EYS: variants seen among roughly 807,000 people sequenced by gnomAD.
The protein encoded by EYS is protein eyes shut homolog.
A neutral mutation model predicts 282.1 loss-of-function variants in EYS; 250 were observed. The ratio of observed to expected loss-of-function variants is 0.89; its 90% CI spans 0.80 to 0.98. The LOEUF (loss-of-function observed/expected upper bound fraction) is 0.98. Among genes scored for constraint, EYS ranks in the 50% least tolerant of loss-of-function variants. EYS has a pLI of 0.00. For missense variants in EYS, 4,016 were observed against 3,709.0 expected, an observed-to-expected ratio of 1.08 and a Z score of -2.15; for synonymous variants, 1,355 against 1,282.9, an observed-to-expected ratio of 1.06 and a Z score of -1.20.
intron 31 of EYS, among the ~76,000 whole-genome samples, chr6:64,092,461 G>C (rs1183632400): frequency 6.6e-6 from 1 of 151,346 alleles, no homozygotes; most frequent in African/African-American, 2.4e-5. Flanking sequence ...GTGTGAGATG[G>C]TATCTCATTG....
At chr6:65,588,535 A>C (rs1765129925) in intron 2 of EYS, among the ~76,000 whole-genome samples, 1 of 150,970 alleles carries the variant, frequency 6.6e-6, no homozygotes, top group African/African-American at 2.4e-5. Context: ...AACTATTTCT[A>C]AACCTTCCCC....
rs145241598 is a variant in EYS, at chr6:64,945,745, G to A, written c.2381+48C>T. The A allele has an allele frequency of 5.9e-5, 90 of 1,520,346 alleles. No homozygotes were observed. The African/African-American group carries it at 1.1e-3, about 19-fold the overall frequency. 94.2% of individuals were successfully genotyped at this position (1,520,346 alleles called of 1,614,324 possible). A position where few individuals can be genotyped will look rare whatever the true frequency, so the allele number is the denominator to read the frequency against. On this transcript the variant is annotated intron_variant, in intron 15 of 42. Transcript: ENST00000503581. Reference sequence around the variant, plus strand: ...TGTCTGGATGTATCCCAAGGACACTGAGCACTCCAAGTAATTTCATGAAGA... The same window carrying A: ...TGTCTGGATGTATCCCAAGGACACTAAGCACTCCAAGTAATTTCATGAAGA...
At chr6:64,822,557 A>T in intron 20 of EYS, 94 bp downstream of exon 20, 1 of 1,082,278 alleles carries the variant, frequency 9.2e-7, no homozygotes, top group Non-Finnish European at 1.3e-6. Context: ...GAGCATAATT[A>T]AAATTATCTT....
chr6:65,642,086 C>T lies in EYS; in HGVS notation c.-447-2194G>A, dbSNP rs9453355. Among the ~76,000 whole-genome samples, 80 of 152,056 alleles carry T rather than the reference C, an allele frequency of 5.3e-4. 1 individual carries two copies. The highest frequency in any genetic ancestry group is 1.8e-3 in the African/African-American group (75 of 41,434). On this transcript the variant is annotated intron_variant, in intron 1 of 42. Coordinates refer to ENST00000503581, the MANE Select transcript of EYS (RefSeq NM_001142800.2). ...TTATCCATAACTGAATATATAGGGC[C>T]TCGAGGAGTTCTGAGTATCTGAGAG...
chr6:63,916,697 T>A (rs542537284), intron 35 of EYS, among the ~76,000 whole-genome samples: 14 of 152,370 alleles, frequency 9.2e-5, no homozygotes, highest in Non-Finnish European at 1.6e-4. Context: ...CTTGATGGCA[T>A]CCTTGAAACA....
intron 33 of EYS, among the ~76,000 whole-genome samples, chr6:64,023,444 T>C (rs1003050349): frequency 6.6e-6 from 1 of 152,274 alleles, no homozygotes; most frequent in Non-Finnish European, 1.5e-5. Context: ...ATTTGTAGTG[T>C]ACCATTTTAC....
chr6:64,358,700 T>A (rs1227164225), intron 29 of EYS, among the ~76,000 whole-genome samples: 1 of 151,650 alleles, frequency 6.6e-6, no homozygotes, highest in African/African-American at 2.4e-5. Context: ...ATAGGAATAA[T>A]CTGGGGTCAT....
At chr6:64,282,802 G>A (rs1768355337) in intron 30 of EYS, among the ~76,000 whole-genome samples, 1 of 152,136 alleles carries the variant, frequency 6.6e-6, no homozygotes, top group Non-Finnish European at 1.5e-5. Flanking sequence ...TCAATCCTCT[G>A]AAAGTCTATT....
At chr6:63,886,043 C>A (rs982074455) in intron 35 of EYS, among the ~76,000 whole-genome samples, 10 of 152,162 alleles carry the variant, frequency 6.6e-5, no homozygotes, top group Admixed American at 6.5e-4. Flanking sequence ...TATATAGGAA[C>A]TTGAATGTTG....
intron 12 of EYS, among the ~76,000 whole-genome samples, chr6:65,218,094 T>G (rs1766362615): frequency 6.6e-6 from 1 of 152,066 alleles, no homozygotes; most frequent in African/African-American, 2.4e-5. Flanking sequence ...GGGCTATGTG[T>G]GTGGTAGTTG....
intron 33 of EYS, among the ~76,000 whole-genome samples, chr6:64,017,853 G>C (rs913627488): frequency 8.5e-5 from 13 of 152,072 alleles, no homozygotes; most frequent in African/African-American, 2.9e-4. Flanking sequence ...TAAACCTCTG[G>C]GCAATTTACT....
intron 26 of EYS, among the ~76,000 whole-genome samples, chr6:64,481,678 G>A (rs189388324): frequency 1.4e-5 from 2 of 142,240 alleles, no homozygotes; most frequent in Non-Finnish European, 1.6e-5. Flanking sequence ...AAGAGAAAAC[G>A]GCCTGAGAGG....
chr6:63,915,704 G>A (rs899143126), intron 35 of EYS, among the ~76,000 whole-genome samples: 5 of 152,198 alleles, frequency 3.3e-5, no homozygotes, highest in African/African-American at 1.2e-4. Context: ...ATTAACAGGA[G>A]TATGGAAGAA....
chr6:63,968,289 G>T (rs1009371399), intron 35 of EYS, among the ~76,000 whole-genome samples: 15 of 152,080 alleles, frequency 9.9e-5, no homozygotes, highest in South Asian at 8.3e-4. Context: ...ATAAAGGTTG[G>T]TAGCTTACAT....
At chr6:65,338,620 A>G (rs73741297) in intron 10 of EYS, among the ~76,000 whole-genome samples, 4,047 of 151,112 alleles carry the variant, frequency 0.027, 159 homozygotes, top group African/African-American at 0.089. Flanking sequence ...AAAAACCTCA[A>G]TATTACAAAA....
At chr6:64,684,018 A>C (rs995406708) in intron 22 of EYS, among the ~76,000 whole-genome samples, 1 of 152,202 alleles carries the variant, frequency 6.6e-6, no homozygotes, top group Non-Finnish European at 1.5e-5. Flanking sequence ...TCTTTGTTCA[A>C]TAAACCTGTG....
intron 11 of EYS, among the ~76,000 whole-genome samples, chr6:65,319,130 A>G (rs1355813549): frequency 1.4e-5 from 2 of 140,038 alleles, no homozygotes; most frequent in African/African-American, 2.7e-5. Context: ...AGGCCAAGGC[A>G]GGTGGATCAC....
At chr6:64,583,980 T>C (rs1766152776) in intron 26 of EYS, among the ~76,000 whole-genome samples, 1 of 152,148 alleles carries the variant, frequency 6.6e-6, no homozygotes. Flanking sequence ...ATTATACTTT[T>C]TTCAATTGAT....
intron 22 of EYS, among the ~76,000 whole-genome samples, chr6:64,647,017 T>C (rs952138851): frequency 6.6e-6 from 1 of 152,124 alleles, no homozygotes; most frequent in Admixed American, 6.6e-5. Flanking sequence ...AATAAAGAGG[T>C]AAAGTTGATT....
Sources: allele counts gnomAD v4.1 joint callset (sites outside exome capture counted in the v4.1 genomes callset), GRCh38; gene constraint gnomAD v4.1.1; transcripts MANE v1.5; gene names NCBI Gene and HGNC (gene_info 2026-07-23, HGNC 2026-07-21).